Variants in DHX9 observed in about 807,000 individuals in gnomAD.
DHX9 encodes the protein DExH-box helicase 9, also known as ATP-dependent RNA helicase A.
DHX9 carries 27 observed loss-of-function variants against 148.7 expected under a neutral mutation model. That is an observed-to-expected ratio of 0.18 (90% CI 0.13 to 0.25). The LOEUF (loss-of-function observed/expected upper bound fraction) is 0.25. DHX9 is among the 10% of genes least tolerant of loss of function. DHX9 has a pLI of 1.00. For missense variants in DHX9, 796 were observed against 1,559.6 expected (o/e 0.51, Z 8.25); for synonymous variants, 529 against 516.6 (o/e 1.02, Z -0.33).
chr1:182,847,054 A>C (rs1313934560), intron 3 of DHX9, among the ~76,000 whole-genome samples: 2 of 152,002 alleles, frequency 1.3e-5, no homozygotes, highest in Non-Finnish European at 2.9e-5. Flanking sequence ...TCTCCAGCTT[A>C]TTCTTTTCTG....
chr1:182,861,070 T>G (rs1668354685), intron 12 of DHX9, among the ~76,000 whole-genome samples: 2 of 152,276 alleles, frequency 1.3e-5, no homozygotes, highest in African/African-American at 2.4e-5. Context: ...TTTGCATGTA[T>G]AAAGCATATA....
chr1:182,866,634 G>T, intron 13 of DHX9, 49 bp downstream of exon 13: 2 of 1,565,800 alleles, frequency 1.3e-6, no homozygotes, highest in Non-Finnish European at 1.7e-6. Flanking sequence ...TTGTGGTTGT[G>T]AAGAAAACTT....
Position 182,883,299 on chromosome 1 carries a change from A to G in DHX9, c.3075A>G (p.Ser1025=). The change falls in exon 25 of 28, where the codon TCA becomes TCG. Residue 1025 remains serine (S), a synonymous_variant. Coordinates refer to ENST00000367549, the MANE Select transcript of DHX9 (RefSeq NM_001357.5). ...TEGRNALIHK[S]SVNCPFSSQD... is the part of the protein sequence containing the mutation. ...GGCGTAATGCACTTATCCACAAATCATCTGTTAATTGTCCTTTTAGTAGCC... is the reference window on the plus strand; with the variant it reads ...GGCGTAATGCACTTATCCACAAATCGTCTGTTAATTGTCCTTTTAGTAGCC... 1.9e-6 allele frequency: 3 copies of G among 1,614,210 alleles called. No individual in the cohort carries two copies. Among genetic ancestry groups the G allele is most frequent in the Non-Finnish European group, 2.5e-6 (3 of 1,180,020 alleles).
intron 14 of DHX9, among the ~76,000 whole-genome samples, chr1:182,869,243 G>C (rs569386752): frequency 6.6e-6 from 1 of 152,162 alleles, no homozygotes; most frequent in Non-Finnish European, 1.5e-5. Context: ...AACCTTGTCC[G>C]GTATTGTTTG....
chr1:182,857,301 C>G lies in DHX9; in HGVS notation c.673+723C>G, dbSNP rs140752428. Among the ~76,000 whole-genome samples, 5 of 152,160 alleles carry G rather than the reference C, an allele frequency of 3.3e-5. No homozygotes were observed. The East Asian group carries it at 9.6e-4, about 29-fold the overall frequency. On this transcript the variant is annotated intron_variant, in intron 7 of 27. Transcript: ENST00000367549. Reference sequence around the variant, plus strand: ...TAGGCAGAAAGATACCTTTGTACCCCTTTGCTTTATATTCATCTCTCCTAA... The same window carrying G: ...TAGGCAGAAAGATACCTTTGTACCCGTTTGCTTTATATTCATCTCTCCTAA...
At chr1:182,884,907 C>G in intron 27 of DHX9, 94 bp downstream of exon 27, 1 of 1,203,146 alleles carries the variant, frequency 8.3e-7, no homozygotes, top group Non-Finnish European at 1.2e-6. Context: ...AGCCCTATTA[C>G]TTAAGTAAAA....
Position 182,851,087 on chromosome 1 carries a change from G to A in DHX9, c.253-1146G>A, listed in dbSNP as rs142659873. Among the ~76,000 whole-genome samples the A allele has an allele frequency of 2.7e-3, 409 of 152,232 alleles. 2 individuals are homozygous for A. The highest frequency in any genetic ancestry group is 9.2e-3 in the African/African-American group (380 of 41,518). ...CCCAGTGAATTTTTCCTGTGCCTTG[G>A]TTATTAGGGCTGACCCTTGAATAGG... On this transcript the variant is annotated intron_variant, in intron 3 of 27. Coordinates refer to ENST00000367549, the MANE Select transcript of DHX9 (RefSeq NM_001357.5).
intron 18 of DHX9, 76 bp downstream of exon 18, chr1:182,876,617 C>T (rs993486239): frequency 1.5e-6 from 2 of 1,365,662 alleles, no homozygotes; most frequent in Non-Finnish European, 2.1e-6. Context: ...TTTCAAAGAG[C>T]TACCCAAAAA....
At chr1:182,872,158 T>G (rs949648092) in intron 14 of DHX9, among the ~76,000 whole-genome samples, 179 bp from the exon 15 acceptor site, 3 of 152,214 alleles carry the variant, frequency 2.0e-5, no homozygotes, top group African/African-American at 7.2e-5. Context: ...TCTCAAAAAT[T>G]GTTATTGTTA....
chr1:182,880,055 T>G (rs1480801331), intron 21 of DHX9, among the ~76,000 whole-genome samples: 1 of 152,164 alleles, frequency 6.6e-6, no homozygotes, highest in Non-Finnish European at 1.5e-5. Context: ...CTAAACTTGT[T>G]AGAGGTACAG....
chr1:182,861,194 GA>G (rs917746056), intron 12 of DHX9, among the ~76,000 whole-genome samples: 6 of 149,038 alleles, frequency 4.0e-5, no homozygotes, highest in African/African-American at 9.8e-5. Flanking sequence ...GTTTTCTCCT[GA>G]AAAAAAAAAT....
intron 2 of DHX9, 129 bp downstream of exon 2, chr1:182,842,806 G>A: frequency 1.7e-6 from 1 of 597,810 alleles, no homozygotes; most frequent in Non-Finnish European, 2.8e-6. Context: ...ATTGTGACTT[G>A]ACTGCTATTG....
chr1:182,881,972 C>T (rs1022169016), intron 24 of DHX9, among the ~76,000 whole-genome samples: 1 of 152,052 alleles, frequency 6.6e-6, no homozygotes, highest in African/African-American at 2.4e-5. Context: ...AAAAACCAAC[C>T]CATGTTTCTT....
chr1:182,863,332 T>C (rs775295730), intron 12 of DHX9, among the ~76,000 whole-genome samples: 43 of 152,204 alleles, frequency 2.8e-4, no homozygotes, highest in Non-Finnish European at 5.7e-4. Context: ...GTGTTTTTAA[T>C]CTACTAGAAT....
In DHX9 at chr1:182,876,002, C is replaced by T. The variant is rs1302010004; in HGVS notation, c.1816-48C>T. Reference sequence around the variant, plus strand: ...TAGAAGAAATCTAGAAGACTTACCTCATGAGTAACTGAGACAATCCAAAAA... The same window carrying T: ...TAGAAGAAATCTAGAAGACTTACCTTATGAGTAACTGAGACAATCCAAAAA... On this transcript the variant is annotated intron_variant, in intron 16 of 27. Coordinates refer to ENST00000367549, the MANE Select transcript of DHX9 (RefSeq NM_001357.5). 3 of 1,470,998 alleles carry T rather than the reference C, an allele frequency of 2.0e-6. No homozygotes were observed. In the African/African-American group the frequency reaches 4.2e-5, roughly 21 times the overall value. 91.1% of individuals were successfully genotyped at this position (1,470,998 alleles called of 1,614,324 possible). A position where few individuals can be genotyped will look rare whatever the true frequency, so the allele number is the denominator to read the frequency against.
intron 2 of DHX9, 136 bp from the exon 3 acceptor site, chr1:182,843,158 T>TTTTATA: frequency 1.8e-6 from 1 of 552,898 alleles, no homozygotes. Flanking sequence ...ATTCTCTTAT[T>TTTTATA]TTTATATTTA....
At position 182,879,263 on chromosome 1, in the gene DHX9, A is replaced by G. The variant is rs1192566252; in HGVS notation, c.2365A>G (p.Met789Val). ...ATTTTCTCTTAGACTTGAAACCCAC[A>G]TGACACCAGAGATGTTCCGAACACC... The part of the protein sequence containing the change: ...RARFERLETH[M>V]TPEMFRTPLH... The change falls in exon 21 of 28, where the codon ATG becomes GTG. Residue 789 changes from methionine (M) to valine (V), a missense_variant. By Grantham distance (21) the Met-to-Val change is conservative. Coordinates refer to ENST00000367549, the MANE Select transcript of DHX9 (RefSeq NM_001357.5). The G allele has an allele frequency of 2.7e-6, 4 of 1,493,900 alleles. No individual in the cohort carries two copies. Among genetic ancestry groups the G allele is most frequent in the South Asian group, 1.4e-5 (1 of 72,454 alleles). The allele number at this position is 1,493,900 out of a possible 1,614,324, so 92.5% of individuals were successfully genotyped here.
chr1:182,848,154 CATT>C (rs144064130), intron 3 of DHX9, among the ~76,000 whole-genome samples: 6,827 of 152,262 alleles, frequency 0.045, 446 homozygotes, highest in African/African-American at 0.15. Flanking sequence ...TCCTATTTAA[CATT>C]ATAAACATTG....
intron 7 of DHX9, 109 bp from the exon 8 acceptor site, chr1:182,857,995 C>A: frequency 2.7e-6 from 3 of 1,095,170 alleles, no homozygotes; most frequent in African/African-American, 1.6e-5. Context: ...CATGGCATAC[C>A]CTGTATTTTA....
Sources: allele counts gnomAD v4.1 joint callset (sites outside exome capture counted in the v4.1 genomes callset), GRCh38; gene constraint gnomAD v4.1.1; transcripts MANE v1.5; gene names NCBI Gene and HGNC (gene_info 2026-07-23, HGNC 2026-07-21).